HS6ST3: variants seen among roughly 807,000 people sequenced by gnomAD.
The protein encoded by HS6ST3 is heparan-sulfate 6-O-sulfotransferase 3.
In HS6ST3, 12 loss-of-function variants were observed where a neutral mutation model predicts 36.7. The ratio of observed to expected loss-of-function variants is 0.33; its 90% CI spans 0.21 to 0.53. The LOEUF is 0.53. HS6ST3 is among the 20% of genes least tolerant of loss of function. The probability of loss-of-function intolerance (pLI) is 0.95; values close to 1 mark genes in which losing one functional copy is unlikely to be tolerated. For synonymous variants in HS6ST3, 240 were observed against 257.5 expected, an observed-to-expected ratio of 0.93 and a Z score of 0.65; for missense variants, 584 against 640.9, an observed-to-expected ratio of 0.91 and a Z score of 0.96.
At chr13:96,145,018 G>A (rs2054050305) in intron 1 of HS6ST3, among the ~76,000 whole-genome samples, 1 of 150,844 alleles carries the variant, frequency 6.6e-6, no homozygotes, top group Non-Finnish European at 1.5e-5. Flanking sequence ...TGGTGTATAT[G>A]TGCCACATTT....
chr13:96,825,930 C>G (rs1202527551), intron 1 of HS6ST3, among the ~76,000 whole-genome samples: 12 of 152,200 alleles, frequency 7.9e-5, no homozygotes, highest in Non-Finnish European at 1.5e-5. Context: ...TGCAGTAAGA[C>G]TTGAGGGCAT....
chr13:96,779,423 T>C (rs1566451788), intron 1 of HS6ST3, among the ~76,000 whole-genome samples: 1 of 152,032 alleles, frequency 6.6e-6, no homozygotes, highest in Non-Finnish European at 1.5e-5. Flanking sequence ...TATTGAAATG[T>C]TTTGAGATGC....
At chr13:96,446,426 C>T (rs112519704) in intron 1 of HS6ST3, among the ~76,000 whole-genome samples, 4 of 152,142 alleles carry the variant, frequency 2.6e-5, no homozygotes, top group South Asian at 4.2e-4. Context: ...CTGCTCTTAA[C>T]GAAGAAAGAA....
intron 1 of HS6ST3, among the ~76,000 whole-genome samples, chr13:96,806,074 G>A (rs1215689977): frequency 6.6e-6 from 1 of 152,130 alleles, no homozygotes; most frequent in Non-Finnish European, 1.5e-5. Context: ...ACAAATCCTG[G>A]AATTGCAGGT....
chr13:96,208,225 C>G (rs1219933053), intron 1 of HS6ST3, among the ~76,000 whole-genome samples: 1 of 152,106 alleles, frequency 6.6e-6, no homozygotes. Context: ...TGGTCTTCAA[C>G]TGACATTTTT....
At chr13:96,733,797 G>T (rs1033679385) in intron 1 of HS6ST3, among the ~76,000 whole-genome samples, 2 of 152,154 alleles carry the variant, frequency 1.3e-5, no homozygotes, top group Non-Finnish European at 2.9e-5. Flanking sequence ...ACAGAAGGTA[G>T]TTCTGTCCCA....
chr13:96,146,861 C>G (rs938925483), intron 1 of HS6ST3, among the ~76,000 whole-genome samples: 1 of 152,110 alleles, frequency 6.6e-6, no homozygotes, highest in African/African-American at 2.4e-5. Flanking sequence ...ATTGTATTAG[C>G]TAGTTTTGAA....
At chr13:96,195,440 G>C (rs1047418591) in intron 1 of HS6ST3, among the ~76,000 whole-genome samples, 1 of 152,028 alleles carries the variant, frequency 6.6e-6, no homozygotes, top group African/African-American at 2.4e-5. Context: ...GCATAAGTGC[G>C]GTCCCAGTGG....
intron 1 of HS6ST3, among the ~76,000 whole-genome samples, chr13:96,164,610 T>A (rs1308189677): frequency 6.6e-6 from 1 of 152,088 alleles, no homozygotes; most frequent in African/African-American, 2.4e-5. Flanking sequence ...TAAAATTGCC[T>A]GAGAAAGTGT....
At chr13:96,731,345 C>G (rs901511316) in intron 1 of HS6ST3, among the ~76,000 whole-genome samples, 6 of 152,148 alleles carry the variant, frequency 3.9e-5, no homozygotes, top group African/African-American at 1.4e-4. Flanking sequence ...ATTTGTCTTT[C>G]TGTGCCTGGT....
chr13:96,149,814 A>G (rs913391688), intron 1 of HS6ST3, among the ~76,000 whole-genome samples: 9 of 152,230 alleles, frequency 5.9e-5, no homozygotes, highest in African/African-American at 2.2e-4. Flanking sequence ...TTAGCAGCTG[A>G]ATAATGCCTG....
At position 96,832,736 on chromosome 13, in the gene HS6ST3, C is replaced by T. The variant is rs1464319337; in HGVS notation, c.954C>T (p.Ser318=). 6.2e-7 allele frequency: 1 copy of T among 1,614,016 alleles called. No individual in the cohort carries two copies. ...AGGTGCGCATGCTGGCTGACCTCAG[C>T]CTGGTGGGCTGCTATAACTTGACTT... is the stretch of plus-strand genomic sequence containing the variant. ...NRQVRMLADL[S]LVGCYNLTFM... The change falls in exon 2 of 2, where the codon AGC becomes AGT. Residue 318 remains serine (S), a synonymous_variant. Coordinates refer to ENST00000376705, the MANE Select transcript of HS6ST3 (RefSeq NM_153456.4).
chr13:96,350,987 C>CT (rs747374044), intron 1 of HS6ST3, among the ~76,000 whole-genome samples: 1 of 152,106 alleles, frequency 6.6e-6, no homozygotes, highest in African/African-American at 2.4e-5. Context: ...TTTGGGAAGA[C>CT]TTTTTTCCCT....
chr13:96,498,440 T>C (rs1750233830), intron 1 of HS6ST3, among the ~76,000 whole-genome samples: 1 of 152,172 alleles, frequency 6.6e-6, no homozygotes, highest in South Asian at 2.1e-4. Flanking sequence ...AGCACTCACC[T>C]CTGGGCCTCT....
Position 96,091,477 on chromosome 13 carries a change from C to T in HS6ST3, c.615C>T (p.Ser205=), listed in dbSNP as rs768156865. 9 of 1,606,016 alleles carry T rather than the reference C, an allele frequency of 5.6e-6. No homozygotes were observed. The highest frequency in any genetic ancestry group is 7.6e-6 in the Non-Finnish European group (9 of 1,177,710). ...TCTCCCGCTTCTCCACCGGCTGGAGCTGCGGGCTGCACGCCGACTGGACGG... is the reference window on the plus strand; with the variant it reads ...TCTCCCGCTTCTCCACCGGCTGGAGTTGCGGGCTGCACGCCGACTGGACGG... ...WLFSRFSTGW[S]CGLHADWTEL... Residue 205 remains serine (S), a synonymous_variant, in exon 1 of 2, where the codon AGC becomes AGT. Coordinates refer to ENST00000376705, the MANE Select transcript of HS6ST3 (RefSeq NM_153456.4).
At chr13:96,806,504 A>C (rs1289018353) in intron 1 of HS6ST3, among the ~76,000 whole-genome samples, 3 of 152,228 alleles carry the variant, frequency 2.0e-5, no homozygotes. Context: ...AGGTGAGAAA[A>C]GGCTTTCCTA....
At chr13:96,251,847 CTA>C (rs2054609554) in intron 1 of HS6ST3, among the ~76,000 whole-genome samples, 1 of 151,952 alleles carries the variant, frequency 6.6e-6, no homozygotes, top group South Asian at 2.1e-4. Flanking sequence ...TGCTTAATTT[CTA>C]TATATTTGTG....
chr13:96,607,808 G>A lies in HS6ST3; in HGVS notation c.708-224682G>A, dbSNP rs567920993. ...TTTGGTTTTGAAGAAAGTAGATAGC[G>A]GTGTGCTAGAGAAAAAATTAAGTCA... On this transcript the variant is annotated intron_variant, in intron 1 of 1. Coordinates refer to ENST00000376705, the MANE Select transcript of HS6ST3 (RefSeq NM_153456.4). Among the ~76,000 whole-genome samples, 37 of 152,198 alleles carry A rather than the reference G, an allele frequency of 2.4e-4. 1 individual carries two copies. The highest frequency in any genetic ancestry group is 7.9e-4 in the African/African-American group (33 of 41,516).
chr13:96,247,238 A>C (rs547994857), intron 1 of HS6ST3, among the ~76,000 whole-genome samples: 14 of 152,176 alleles, frequency 9.2e-5, no homozygotes, highest in African/African-American at 3.4e-4. Flanking sequence ...CAACGTGTCT[A>C]TTGAACAGGT....
Sources: allele counts gnomAD v4.1 joint callset (sites outside exome capture counted in the v4.1 genomes callset), GRCh38; gene constraint gnomAD v4.1.1; transcripts MANE v1.5; gene names NCBI Gene and HGNC (gene_info 2026-07-23, HGNC 2026-07-21).